Variants in FBXO21 observed in about 807,000 individuals in gnomAD.
FBXO21 encodes F-box only protein 21.
Under a neutral mutation model 76.6 loss-of-function variants are expected in FBXO21, and 32 were observed. The observed-to-expected ratio is 0.42, with a 90% CI of 0.32 to 0.56. FBXO21 has a LOEUF of 0.56. FBXO21 is among the 20% of genes least tolerant of loss of function. FBXO21 has a pLI of 0.16. For missense variants in FBXO21, 586 were observed against 797.3 expected (o/e 0.73, Z 3.19); for synonymous variants, 328 against 311.5 (o/e 1.05, Z -0.56).
intron 4 of FBXO21, among the ~76,000 whole-genome samples, chr12:117,175,762 C>G (rs138460158): frequency 5.3e-5 from 8 of 152,352 alleles, no homozygotes; most frequent in African/African-American, 1.9e-4. Context: ...TTATTCCAGT[C>G]AGTCACCAAG....
At chr12:117,164,537 A>G (rs1956028508) in intron 9 of FBXO21, among the ~76,000 whole-genome samples, 1 of 152,020 alleles carries the variant, frequency 6.6e-6, no homozygotes, top group South Asian at 2.1e-4. Context: ...CAACCTCCCA[A>G]AGTGCTGGGA....
At chr12:117,183,596 C>T (rs1030726956) in intron 3 of FBXO21, among the ~76,000 whole-genome samples, 6 of 152,178 alleles carry the variant, frequency 3.9e-5, no homozygotes, top group Non-Finnish European at 8.8e-5. Flanking sequence ...AAAAGTTTTC[C>T]GTGATTGTTA....
chr12:117,157,021 A>T (rs183635355), intron 10 of FBXO21, among the ~76,000 whole-genome samples: 9 of 152,102 alleles, frequency 5.9e-5, no homozygotes, highest in African/African-American at 2.2e-4. Context: ...TGTCTTTACT[A>T]AAACACAAAA....
At chr12:117,174,010 G>A (rs181391111) in intron 6 of FBXO21, among the ~76,000 whole-genome samples, 195 bp downstream of exon 6, 91 of 152,208 alleles carry the variant, frequency 6.0e-4, no homozygotes, top group African/African-American at 2.2e-3. Context: ...GGGTGTGGTG[G>A]CATGTAGTCC....
chr12:117,189,460 CA>C, intron 1 of FBXO21, 98 bp from the exon 2 acceptor site: 1 of 1,383,430 alleles, frequency 7.2e-7, no homozygotes, highest in Non-Finnish European at 1.0e-6. Context: ...CAGTGGCGTC[CA>C]GTGGTAAGAG....
chr12:117,145,467 A>G lies in FBXO21; in HGVS notation c.*620T>C, dbSNP rs969137753. The G allele has an allele frequency of 1.3e-5, 2 of 152,146 alleles. No homozygotes were observed. Among genetic ancestry groups the G allele is most frequent in the African/African-American group, 4.8e-5 (2 of 41,446 alleles). 9.4% of individuals were successfully genotyped at this position (152,146 alleles called of 1,614,324 possible). On this transcript the variant is annotated 3_prime_UTR_variant, in exon 12 of 12. Transcript: ENST00000622495. ...TATTCCCATTTAAATTTAAAAAAAA[A>G]AGATAAAACACTTGAAATCTGTGTT...
intron 9 of FBXO21, among the ~76,000 whole-genome samples, chr12:117,160,772 G>A (rs1955967922): frequency 6.6e-6 from 1 of 152,086 alleles, no homozygotes; most frequent in Non-Finnish European, 1.5e-5. Flanking sequence ...TGGGACTACA[G>A]GCACATGCGA....
intron 9 of FBXO21, among the ~76,000 whole-genome samples, chr12:117,164,155 G>A (rs1956020181): frequency 1.3e-5 from 2 of 151,544 alleles, no homozygotes; most frequent in African/African-American, 2.4e-5. Context: ...ATTACATCTT[G>A]GACAAGTAGT....
intron 9 of FBXO21, among the ~76,000 whole-genome samples, chr12:117,159,380 C>A (rs1231502918): frequency 2.0e-5 from 3 of 152,120 alleles, no homozygotes; most frequent in Admixed American, 6.5e-5. Flanking sequence ...GTGACTTTCC[C>A]GGGGTCACAG....
chr12:117,188,688 A>G (rs1354968557), intron 2 of FBXO21: 2 of 152,016 alleles, frequency 1.3e-5, no homozygotes, highest in African/African-American at 4.8e-5. Flanking sequence ...TTTCAGGGAT[A>G]ATGAATGCAA....
intron 9 of FBXO21, among the ~76,000 whole-genome samples, chr12:117,165,251 T>C (rs1290608894): frequency 1.3e-5 from 2 of 152,020 alleles, no homozygotes; most frequent in African/African-American, 2.4e-5. Flanking sequence ...GGCTTTGTGG[T>C]TCTAGGGTTT....
In FBXO21 at chr12:117,189,224, T is replaced by C. The variant is rs1247104949; in HGVS notation, c.375+3A>G. 1.2e-6 allele frequency: 2 copies of C among 1,614,076 alleles called. No individual in the cohort carries two copies. Among genetic ancestry groups the C allele is most frequent in the Non-Finnish European group, 1.7e-6 (2 of 1,180,028 alleles). ...GCTTAGAGCCACATCAACAGATCCT[T>C]ACGTGCTCTGAAAAGAACCTCTTTG... is the stretch of plus-strand genomic sequence containing the variant. On this transcript the variant is annotated splice_donor_region_variant and intron_variant, in intron 2 of 11. Coordinates refer to ENST00000622495, the MANE Select transcript of FBXO21 (RefSeq NM_015002.3).
At chr12:117,175,409 A>C (rs1004007934) in intron 4 of FBXO21, among the ~76,000 whole-genome samples, 1 of 152,236 alleles carries the variant, frequency 6.6e-6, no homozygotes, top group Non-Finnish European at 1.5e-5. Flanking sequence ...ACTCCTCTTC[A>C]CAGTCTTAGG....
Position 117,190,279 on chromosome 12 carries a change from G to T in FBXO21, c.178C>A (p.Arg60=). 6.5e-7 allele frequency: 1 copy of T among 1,538,530 alleles called. No individual in the cohort carries two copies. The change falls in exon 1 of 12, where the codon CGG becomes AGG. Residue 60 remains arginine, a synonymous_variant. Coordinates refer to ENST00000622495, the MANE Select transcript of FBXO21 (RefSeq NM_015002.3). ...CTCTGGCACAGCTCGCGCAGCCGCCGGCAGGTGCTGGAGACACGGCCGATG... is the reference window on the plus strand; with the variant it reads ...CTCTGGCACAGCTCGCGCAGCCGCCTGCAGGTGCTGGAGACACGGCCGATG... ...ADIGRVSSTC[R]RLRELCQSSG...
At chr12:117,179,927 C>G (rs1416691709) in intron 3 of FBXO21, among the ~76,000 whole-genome samples, 1 of 151,582 alleles carries the variant, frequency 6.6e-6, no homozygotes, top group Non-Finnish European at 1.5e-5. Flanking sequence ...ATGATATGGG[C>G]TTCTATTTAT....
Position 117,143,323 on chromosome 12 carries a change from A to C in FBXO21, c.*2764T>G, listed in dbSNP as rs936690743. 6.6e-6 allele frequency: 1 copy of C among 152,126 alleles called. No individual in the cohort carries two copies. The highest frequency in any genetic ancestry group is 1.9e-4 in the East Asian group (1 of 5,186). The allele number at this position is 152,126 out of a possible 1,614,324, so 9.4% of individuals were successfully genotyped here. A position where few individuals can be genotyped will look rare whatever the true frequency, so the allele number is the denominator to read the frequency against. On this transcript the variant is annotated 3_prime_UTR_variant, in exon 12 of 12. Transcript: ENST00000622495. The stretch of plus-strand genomic sequence containing the variant: ...TACTGTGCGTCACAGGTATTGAGAA[A>C]CACCACCATAGAGTCAATTGACTTT...
intron 11 of FBXO21, among the ~76,000 whole-genome samples, chr12:117,147,290 G>GAAAAAAAAAAA (rs144755940): frequency 8.2e-5 from 7 of 85,066 alleles, no homozygotes; most frequent in Admixed American, 1.4e-4. Context: ...TGAAAAAATG[G>GAAAAAAAAAAA]AAAAAAAAAA....
At chr12:117,187,158 C>T (rs1004123606) in intron 2 of FBXO21, among the ~76,000 whole-genome samples, 3 of 150,754 alleles carry the variant, frequency 2.0e-5, no homozygotes, top group African/African-American at 7.3e-5. Context: ...CAGTGGCTCA[C>T]GCCTGTAATC....
intron 1 of FBXO21, 93 bp from the exon 2 acceptor site, chr12:117,189,455 G>C: frequency 2.9e-6 from 4 of 1,393,132 alleles, no homozygotes; most frequent in South Asian, 1.2e-5. Flanking sequence ...GACAGCAGTG[G>C]CGTCCAGTGG....
Sources: gnomAD v4.1 joint callset for allele counts (sites outside exome capture counted in the v4.1 genomes callset) on GRCh38, gnomAD v4.1.1 for gene constraint, MANE v1.5 for transcripts, NCBI Gene and HGNC (gene_info 2026-07-23, HGNC 2026-07-21) for gene names.